Variants in ATP6V0D1 observed in about 807,000 individuals in gnomAD.
ATP6V0D1 encodes the protein ATPase H+ transporting V0 subunit d1.
Under a neutral mutation model 39.0 loss-of-function variants are expected in ATP6V0D1, and 13 were observed. The observed-to-expected ratio is 0.33, with a 90% CI of 0.22 to 0.53. The LOEUF (loss-of-function observed/expected upper bound fraction) is 0.53. ATP6V0D1 is among the 20% of genes least tolerant of loss of function. The pLI is 0.94. For synonymous variants in ATP6V0D1, 191 were observed against 191.2 expected, an observed-to-expected ratio of 1.00 and a Z score of 0.01; for missense variants, 272 against 470.9, an observed-to-expected ratio of 0.58 and a Z score of 3.91.
intron 1 of ATP6V0D1, among the ~76,000 whole-genome samples, chr16:67,471,560 T>C (rs1051604265): frequency 1.3e-5 from 2 of 152,184 alleles, no homozygotes; most frequent in Non-Finnish European, 2.9e-5. Context: ...AATGAATTAT[T>C]GTTAAATACA....
chr16:67,480,895 A>T, intron 1 of ATP6V0D1, 62 bp downstream of exon 1: 1 of 1,585,422 alleles, frequency 6.3e-7, no homozygotes, highest in Non-Finnish European at 8.6e-7. Flanking sequence ...TTCCCGGCCT[A>T]CACCTCTGAA....
chr16:67,457,425 C>T (rs577655997), intron 1 of ATP6V0D1: 1 of 471,610 alleles, frequency 2.1e-6, no homozygotes. Context: ...TGACCCAGGA[C>T]AGGCTTTTCA....
chr16:67,453,426 A>C lies in ATP6V0D1; in HGVS notation c.302+118T>G. 1 of 1,234,038 alleles carries C rather than the reference A, an allele frequency of 8.1e-7. No homozygotes were observed. The highest frequency in any genetic ancestry group is 1.4e-5 in the South Asian group (1 of 71,244). 76.4% of individuals were successfully genotyped at this position (1,234,038 alleles called of 1,614,324 possible). ...CACCTGGCCTGACAGAGCTGCCATC[A>C]GCTCTGACAGCTGACACAGGCACGA... is the stretch of plus-strand genomic sequence containing the variant. On this transcript the variant is annotated intron_variant, in intron 2 of 7. Coordinates refer to ENST00000290949, the MANE Select transcript of ATP6V0D1 (RefSeq NM_004691.5). The surrounding 1 kb of genome is among the most constrained non-coding windows in gnomAD (Gnocchi z 4.1).
chr16:67,466,320 A>AACACACAC (rs1175974861), intron 1 of ATP6V0D1, among the ~76,000 whole-genome samples: 1 of 116,256 alleles, frequency 8.6e-6, no homozygotes, highest in African/African-American at 3.6e-5. Flanking sequence ...GTATCTAGTA[A>AACACACAC]ACACATACAC....
chr16:67,455,080 T>C (rs1432872344), intron 1 of ATP6V0D1: 1 of 152,284 alleles, frequency 6.6e-6, no homozygotes, highest in Non-Finnish European at 1.5e-5. Context: ...GCTGAGAAGA[T>C]ACCCAGGCAC....
chr16:67,457,691 A>G (rs1222529278), intron 1 of ATP6V0D1: 1 of 1,267,956 alleles, frequency 7.9e-7, no homozygotes, highest in East Asian at 5.6e-5. Context: ...ATGAGGGGGC[A>G]AAGCCAAGCA....
chr16:67,466,889 T>C (rs1469496833), intron 1 of ATP6V0D1, among the ~76,000 whole-genome samples: 1 of 152,160 alleles, frequency 6.6e-6, no homozygotes. Flanking sequence ...GAGTCGGTCA[T>C]AAGGAACTGG....
chr16:67,444,998 T>G lies in ATP6V0D1; in HGVS notation c.303-292A>C, dbSNP rs2041098441. 6.6e-6 allele frequency among the ~76,000 whole-genome samples: 1 copy of G among 152,100 alleles called. No homozygotes were observed. Among genetic ancestry groups the G allele is most frequent in the African/African-American group, 2.4e-5 (1 of 41,410 alleles). On this transcript the variant is annotated intron_variant, in intron 2 of 7. Coordinates refer to ENST00000290949, the MANE Select transcript of ATP6V0D1 (RefSeq NM_004691.5). This position sits in a 1 kb window ranked among gnomAD's most constrained non-coding sequence, Gnocchi z 4.8. ...GACACGAGCTAACTACCCCACAGCA[T>G]GAACAGTGTTCTAACAGGACACAGG...
chr16:67,473,246 T>C (rs567236084), intron 1 of ATP6V0D1, among the ~76,000 whole-genome samples: 1 of 152,330 alleles, frequency 6.6e-6, no homozygotes, highest in African/African-American at 2.4e-5. Flanking sequence ...GCAACAGCTT[T>C]ACTGAGATAT....
chr16:67,458,184 G>A (rs868862648), intron 1 of ATP6V0D1, among the ~76,000 whole-genome samples: 3 of 152,228 alleles, frequency 2.0e-5, no homozygotes, highest in Admixed American at 1.3e-4. Context: ...GCAGCCCCAA[G>A]CCCTAAGACA....
intron 1 of ATP6V0D1, chr16:67,459,276 C>T (rs973700103): frequency 2.0e-6 from 2 of 985,364 alleles, no homozygotes; most frequent in African/African-American, 1.7e-5. Flanking sequence ...AAGACACACC[C>T]CCAGCCTGGA....
chr16:67,462,250 C>T (rs1168110749), intron 1 of ATP6V0D1, among the ~76,000 whole-genome samples: 1 of 152,240 alleles, frequency 6.6e-6, no homozygotes, highest in African/African-American at 2.4e-5. Context: ...ACAGCCCAGC[C>T]TGAGAATCAG....
At chr16:67,479,585 AG>A (rs979005741) in intron 1 of ATP6V0D1, among the ~76,000 whole-genome samples, 2 of 152,188 alleles carry the variant, frequency 1.3e-5, no homozygotes, top group Non-Finnish European at 2.9e-5. Context: ...TCTATTTTAA[AG>A]GTATTTATTT....
intron 4 of ATP6V0D1, chr16:67,441,553 T>TACAC (rs372818559): frequency 4.0e-5 from 6 of 151,824 alleles, no homozygotes; most frequent in African/African-American, 7.3e-5. Flanking sequence ...GGCGCGTGCG[T>TACAC]ACACACACAC....
At chr16:67,472,301 C>A (rs2041379882) in intron 1 of ATP6V0D1, among the ~76,000 whole-genome samples, 1 of 152,216 alleles carries the variant, frequency 6.6e-6, no homozygotes, top group South Asian at 2.1e-4. Context: ...TCTCACAACT[C>A]AACATGCTCA....
At chr16:67,477,589 T>A (rs1453046610) in intron 1 of ATP6V0D1, among the ~76,000 whole-genome samples, 1 of 152,206 alleles carries the variant, frequency 6.6e-6, no homozygotes, top group Non-Finnish European at 1.5e-5. Context: ...GAATTTATGA[T>A]TGTTGTAGTT....
At chr16:67,442,197 G>A (rs1379625126) in intron 4 of ATP6V0D1, among the ~76,000 whole-genome samples, 1 of 152,268 alleles carries the variant, frequency 6.6e-6, no homozygotes. Flanking sequence ...GAGATTGGCA[G>A]GCCTGGGCTC....
Position 67,444,604 on chromosome 16 carries a change from G to A in ATP6V0D1, c.405C>T (p.Phe135=). The A allele has an allele frequency of 1.9e-6, 3 of 1,613,594 alleles. No homozygotes were observed. Among genetic ancestry groups the A allele is most frequent in the South Asian group, 1.1e-5 (1 of 91,038 alleles). The change falls in exon 3 of 8, where the codon TTC becomes TTT. Residue 135 remains phenylalanine, a synonymous_variant. Coordinates refer to ENST00000290949, the MANE Select transcript of ATP6V0D1 (RefSeq NM_004691.5). The surrounding 1 kb of genome is among the most constrained non-coding windows in gnomAD (Gnocchi z 4.8). ...LVPKCHPLGS[F]EQMEAVNIAQ... ...CAATGTTCACGGCCTCCATCTGCTC[G>A]AAGCTGCCTAGTGGGTGGCACTTGG...
chr16:67,446,141 GAAGA>G (rs939374493), intron 2 of ATP6V0D1, among the ~76,000 whole-genome samples: 7 of 152,106 alleles, frequency 4.6e-5, no homozygotes, highest in Admixed American at 6.5e-5. Flanking sequence ...CCCCCATACT[GAAGA>G]AAGAAAGGAG....
Sources: allele counts gnomAD v4.1 joint callset (sites outside exome capture counted in the v4.1 genomes callset), GRCh38; gene constraint gnomAD v4.1.1; non-coding constraint Gnocchi (gnomAD v3.1); transcripts MANE v1.5; gene names NCBI Gene and HGNC (gene_info 2026-07-23, HGNC 2026-07-21).